NEK11: variants seen among roughly 807,000 people sequenced by gnomAD.
The protein encoded by NEK11 is serine/threonine-protein kinase Nek11.
Under a neutral mutation model 80.7 loss-of-function variants are expected in NEK11, and 72 were observed. The ratio of observed to expected loss-of-function variants is 0.89; its 90% confidence interval spans 0.74 to 1.08. The LOEUF is 1.08. Among genes scored for constraint, NEK11 ranks in the 50% least tolerant of loss-of-function variants. The pLI is 0.00. For missense variants in NEK11, 764 were observed against 763.6 expected, an observed-to-expected ratio of 1.00 and a Z score of -0.01; for synonymous variants, 251 against 260.7, an observed-to-expected ratio of 0.96 and a Z score of 0.36.
At chr3:131,098,598 T>C (rs35991394) in intron 4 of NEK11, among the ~76,000 whole-genome samples, 27,332 of 149,520 alleles carry the variant, frequency 0.18, 2,620 homozygotes, top group Middle Eastern at 0.21. Context: ...TTTTTTTAGA[T>C]GGAGTCTCAC....
intron 14 of NEK11, among the ~76,000 whole-genome samples, chr3:131,202,753 C>CA (rs753672016): frequency 2.2e-4 from 33 of 152,142 alleles, no homozygotes; most frequent in Non-Finnish European, 3.7e-4. Context: ...ACAGCCCCCT[C>CA]AAAAAGTGAG....
chr3:131,180,994 C>T (rs2093314568), intron 14 of NEK11, among the ~76,000 whole-genome samples: 2 of 152,120 alleles, frequency 1.3e-5, no homozygotes, highest in Admixed American at 6.6e-5. Flanking sequence ...ACGAAAGTTA[C>T]TATTGTAGGA....
intron 14 of NEK11, among the ~76,000 whole-genome samples, chr3:131,202,119 G>C (rs1446323378): frequency 6.6e-6 from 1 of 152,118 alleles, no homozygotes; most frequent in African/African-American, 2.4e-5. Flanking sequence ...TGTGAGCCAA[G>C]GGTCCATTCC....
chr3:131,257,890 G>T (rs991828692), intron 16 of NEK11, among the ~76,000 whole-genome samples: 1 of 151,972 alleles, frequency 6.6e-6, no homozygotes, highest in East Asian at 1.9e-4. Flanking sequence ...TTATAGCAGC[G>T]ATTGCAAAAA....
intron 4 of NEK11, among the ~76,000 whole-genome samples, chr3:131,092,034 CG>C (rs2076809538): frequency 6.6e-6 from 1 of 152,148 alleles, no homozygotes; most frequent in Non-Finnish European, 1.5e-5. Context: ...TTACATACTA[CG>C]TTAGGGTGAG....
chr3:131,273,547 C>G lies in NEK11; in HGVS notation c.1691C>G (p.Ala564Gly). The G allele has an allele frequency of 6.2e-7, 1 of 1,613,768 alleles. No individual in the cohort carries two copies. Among genetic ancestry groups the G allele is most frequent in the Non-Finnish European group, 8.5e-7 (1 of 1,179,746 alleles). The part of the protein sequence containing the change: ...PGPPIFNSVM[A>G]RTKMKRMRES... ...CCACCAATTTTCAACAGTGTGATGGCCAGGACCAAGATGAAACGCATGAGG... is the reference window on the plus strand; with the variant it reads ...CCACCAATTTTCAACAGTGTGATGGGCAGGACCAAGATGAAACGCATGAGG... The change falls in exon 17 of 18, where the codon GCC becomes GGC. Residue 564 changes from alanine (A) to glycine (G), a missense_variant. Transcript: ENST00000383366.
intron 4 of NEK11, among the ~76,000 whole-genome samples, chr3:131,093,697 C>T (rs1006768182): frequency 2.0e-5 from 3 of 151,980 alleles, no homozygotes; most frequent in Non-Finnish European, 2.9e-5. Flanking sequence ...TGAGCCACTG[C>T]GCTTAGCCCA....
intron 17 of NEK11, among the ~76,000 whole-genome samples, chr3:131,340,512 G>A (rs1456574011): frequency 2.0e-5 from 3 of 152,146 alleles, no homozygotes; most frequent in African/African-American, 7.2e-5. Context: ...GGTAAGCACA[G>A]GAAGAGGTAA....
chr3:131,246,243 T>C (rs2095600985), intron 16 of NEK11, among the ~76,000 whole-genome samples: 1 of 152,142 alleles, frequency 6.6e-6, no homozygotes, highest in Non-Finnish European at 1.5e-5. Flanking sequence ...TAGCCTTTTA[T>C]CCCTCACCTC....
intron 14 of NEK11, among the ~76,000 whole-genome samples, chr3:131,188,825 A>C (rs1050338390): frequency 6.6e-6 from 1 of 151,770 alleles, no homozygotes; most frequent in African/African-American, 2.4e-5. Context: ...AAAGTGTTTC[A>C]TTACTTCCTG....
intron 4 of NEK11, among the ~76,000 whole-genome samples, chr3:131,098,629 G>T (rs1260451049): frequency 6.7e-6 from 1 of 148,910 alleles, no homozygotes; most frequent in Non-Finnish European, 1.5e-5. Flanking sequence ...AGGCTGGAGT[G>T]TAGTGGCGCA....
Position 131,210,797 on chromosome 3 carries a change from G to A in NEK11, c.1400-17731G>A, listed in dbSNP as rs56288920. Among the ~76,000 whole-genome samples, 280 of 151,978 alleles carry A rather than the reference G, an allele frequency of 1.8e-3. 2 individuals are homozygous for A. Among genetic ancestry groups the A allele is most frequent in the Non-Finnish European group, 2.9e-3 (198 of 67,954 alleles). ...TTTATCAGAAACTAAGATTGCAATC[G>A]CTGCTTTTTTTTGTTTTCCATTTGC... On this transcript the variant is annotated intron_variant, in intron 14 of 17. Transcript: ENST00000383366.
chr3:131,214,259 C>A (rs2094736563), intron 14 of NEK11, among the ~76,000 whole-genome samples: 1 of 152,188 alleles, frequency 6.6e-6, no homozygotes, highest in Non-Finnish European at 1.5e-5. Context: ...TGAAATCATT[C>A]AGTTCAGGCT....
rs115707911 is a variant in NEK11 at position 131,033,129 on chromosome 3, A to T, written c.170+3251A>T. Among the ~76,000 whole-genome samples the T allele has an allele frequency of 3.5e-3, 537 of 152,232 alleles. 1 individual carries two copies. Among genetic ancestry groups the T allele is most frequent in the African/African-American group, 0.012 (511 of 41,536 alleles). Reference sequence around the variant, plus strand: ...TCAGAATGTGAACCTTTTAGCTAAGATATCAATTCATCAGTGATTGTTATG... The same window carrying T: ...TCAGAATGTGAACCTTTTAGCTAAGTTATCAATTCATCAGTGATTGTTATG... On this transcript the variant is annotated intron_variant, in intron 3 of 17. Transcript: ENST00000383366.
At chr3:131,329,240 C>A (rs1199666714) in intron 17 of NEK11, 1 of 152,040 alleles carries the variant, frequency 6.6e-6, no homozygotes, top group Non-Finnish European at 1.5e-5. Flanking sequence ...TGAAAAACAG[C>A]AGCTAAAAAC....
chr3:131,258,999 G>C (rs1188590927), intron 16 of NEK11, among the ~76,000 whole-genome samples: 1 of 152,118 alleles, frequency 6.6e-6, no homozygotes, highest in African/African-American at 2.4e-5. Flanking sequence ...TTATATATAA[G>C]TTTAATATAC....
At chr3:131,275,018 T>C (rs1448718598) in intron 17 of NEK11, among the ~76,000 whole-genome samples, 4 of 152,228 alleles carry the variant, frequency 2.6e-5, no homozygotes, top group African/African-American at 9.7e-5. Context: ...GTGGTTTTGA[T>C]TTGCATTTCT....
intron 17 of NEK11, among the ~76,000 whole-genome samples, chr3:131,324,804 T>A (rs1396415535): frequency 6.6e-6 from 1 of 152,172 alleles, no homozygotes; most frequent in African/African-American, 2.4e-5. Flanking sequence ...AGACAACTCC[T>A]TCCCCCTCTG....
chr3:131,281,042 C>A (rs1422401404), intron 17 of NEK11, among the ~76,000 whole-genome samples: 1 of 152,216 alleles, frequency 6.6e-6, no homozygotes, highest in African/African-American at 2.4e-5. Flanking sequence ...TCTCTCAGCT[C>A]AGTAATCTCC....
Sources: gnomAD v4.1 joint callset for allele counts (sites outside exome capture counted in the v4.1 genomes callset) on GRCh38, gnomAD v4.1.1 for gene constraint, MANE v1.5 for transcripts, NCBI Gene and HGNC (gene_info 2026-07-23, HGNC 2026-07-21) for gene names.